The following CACNA1C variants were observed in gnomAD, a reference collection of about 807,000 sequenced individuals.
The protein encoded by CACNA1C is calcium voltage-gated channel subunit alpha1 C.
A neutral mutation model predicts 229.0 loss-of-function variants in CACNA1C; 30 were observed. The ratio of observed to expected loss-of-function variants is 0.13; its 90% CI spans 0.10 to 0.18. CACNA1C has a LOEUF of 0.18. Among genes scored for constraint, CACNA1C ranks in the 10% least tolerant of loss-of-function variants. The probability of loss-of-function intolerance (pLI) is 1.00; values close to 1 mark genes in which losing one functional copy is unlikely to be tolerated. For missense variants in CACNA1C, 1,658 were observed against 2,845.0 expected, an observed-to-expected ratio of 0.58 and a Z score of 9.49; for synonymous variants, 1,114 against 1,132.5, an observed-to-expected ratio of 0.98 and a Z score of 0.33.
At position 2,608,392 on chromosome 12, in the gene CACNA1C, C is replaced by T; in HGVS notation, c.3357-119C>T. On this transcript the variant is annotated intron_variant, in intron 26 of 46. Coordinates refer to ENST00000399655, the MANE Select transcript of CACNA1C (RefSeq NM_000719.7). This position sits in a 1 kb window ranked among gnomAD's most constrained non-coding sequence, Gnocchi z 4.2. ...CCAGTAAGAGGCCGAGCTGGGACTC[C>T]AGCCCAGAGCTGTCTCCTGCACCCT... is the stretch of plus-strand genomic sequence containing the variant. 1 of 701,746 alleles carries T rather than the reference C, an allele frequency of 1.4e-6. No individual in the cohort carries two copies. The highest frequency in any genetic ancestry group is 2.3e-6 in the Non-Finnish European group (1 of 434,054). The allele number at this position is 701,746 out of a possible 1,614,324, so 43.5% of individuals were successfully genotyped here. A position where few individuals can be genotyped will look rare whatever the true frequency, so the allele number is the denominator to read the frequency against.
chr12:2,524,079 C>T (rs887954700), intron 9 of CACNA1C, among the ~76,000 whole-genome samples: 5 of 152,172 alleles, frequency 3.3e-5, no homozygotes, highest in Non-Finnish European at 5.9e-5. Flanking sequence ...GTATTTCCAT[C>T]GTCGGGTGCA....
chr12:2,149,894 C>G (rs893000272), intron 3 of CACNA1C, among the ~76,000 whole-genome samples: 6 of 152,102 alleles, frequency 3.9e-5, no homozygotes, highest in African/African-American at 1.4e-4. Context: ...GGATAGCAGG[C>G]AGAGTTTAAA....
chr12:2,241,083 G>T (rs1360858032), intron 3 of CACNA1C, among the ~76,000 whole-genome samples: 1 of 152,086 alleles, frequency 6.6e-6, no homozygotes, highest in Admixed American at 6.5e-5. Context: ...GGTGAGGGGG[G>T]TGGGAAGAGG....
intron 3 of CACNA1C, among the ~76,000 whole-genome samples, chr12:2,265,960 C>T (rs1312427847): frequency 6.6e-6 from 1 of 152,254 alleles, no homozygotes; most frequent in Non-Finnish European, 1.5e-5. Flanking sequence ...ACGCTCCTAT[C>T]CATGCAGTAA....
At chr12:2,239,944 G>A (rs1446147006) in intron 3 of CACNA1C, among the ~76,000 whole-genome samples, 1 of 152,228 alleles carries the variant, frequency 6.6e-6, no homozygotes, top group Non-Finnish European at 1.5e-5. Context: ...GGAAAAAATG[G>A]AAAATGGAAA....
At position 2,612,007 on chromosome 12, in the gene CACNA1C, A is replaced by G. The variant is rs1057524175; in HGVS notation, c.3822A>G (p.Lys1274=). Residue 1274 remains lysine (K), a synonymous_variant, in exon 29 of 47, where the codon AAA becomes AAG. Coordinates refer to ENST00000399655, the MANE Select transcript of CACNA1C (RefSeq NM_000719.7). ...VEMILKLIAF[K]PKHYFCDAWN... The stretch of plus-strand genomic sequence containing the variant: ...TGATCCTGAAGCTCATTGCCTTCAA[A>G]CCCAAGGTAGGCCTCTGAGAAAGAC... 6.3e-7 allele frequency: 1 copy of G among 1,587,128 alleles called. No individual in the cohort carries two copies. Among genetic ancestry groups the G allele is most frequent in the East Asian group, 2.2e-5 (1 of 44,736 alleles).
Position 2,504,943 on chromosome 12 carries a change from C to T in CACNA1C, c.1215C>T (p.Ser405=), listed in dbSNP as rs780409021. ...TTAACTTGGTTCTCGGTGTGCTTAG[C>T]GGGTAAGCAGGACCAAGGAAAAAGG... ...FVLNLVLGVL[S]GEFSKEREKA... Residue 405 remains serine (S), a splice_region_variant and synonymous_variant, in exon 8 of 47, where the codon AGC becomes AGT. Transcript: ENST00000399655. This position sits in a 1 kb window ranked among gnomAD's most constrained non-coding sequence, Gnocchi z 6.8. 15 of 1,507,950 alleles carry T rather than the reference C, an allele frequency of 9.9e-6. No homozygotes were observed. The Admixed American group carries it at 1.2e-4, about 12-fold the overall frequency. The allele number at this position is 1,507,950 out of a possible 1,614,324, so 93.4% of individuals were successfully genotyped here.
intron 3 of CACNA1C, among the ~76,000 whole-genome samples, chr12:2,135,675 C>T (rs952636919): frequency 2.8e-5 from 4 of 144,182 alleles, no homozygotes; most frequent in Non-Finnish European, 4.5e-5. Flanking sequence ...CTCAGATCTC[C>T]AGCCGCGTGC....
chr12:2,272,647 A>C (rs2085607819), intron 3 of CACNA1C, among the ~76,000 whole-genome samples: 2 of 152,294 alleles, frequency 1.3e-5, no homozygotes, highest in South Asian at 2.1e-4. Context: ...CAGTCACTCC[A>C]AGGCAGTTGA....
chr12:2,253,366 G>A (rs1237602133), intron 3 of CACNA1C, among the ~76,000 whole-genome samples: 1 of 152,158 alleles, frequency 6.6e-6, no homozygotes, highest in African/African-American at 2.4e-5. Flanking sequence ...TTCTTAATTG[G>A]TTCTGAGTTT....
chr12:2,072,830 A>G (rs1056072630), intron 1 of CACNA1C, among the ~76,000 whole-genome samples: 15 of 152,190 alleles, frequency 9.9e-5, no homozygotes, highest in African/African-American at 1.4e-4. Context: ...TCAGTCAACA[A>G]TCAATCAATC....
rs1363553883 is a variant in CACNA1C, at chr12:2,181,746, A to G, written c.477+61316A>G. ...TACAGCTCATTACTGAATCCTCACA[A>G]TAACCCCATGGGGTAGATATTACTG... On this transcript the variant is annotated intron_variant, in intron 3 of 46. Coordinates refer to ENST00000399655, the MANE Select transcript of CACNA1C (RefSeq NM_000719.7). The surrounding 1 kb of genome is among the most constrained non-coding windows in gnomAD (Gnocchi z 4.0). 2.0e-5 allele frequency among the ~76,000 whole-genome samples: 3 copies of G among 152,144 alleles called. No homozygotes were observed. The highest frequency in any genetic ancestry group is 4.8e-5 in the African/African-American group (2 of 41,422).
At chr12:2,401,994 T>C (rs1014152745) in intron 3 of CACNA1C, among the ~76,000 whole-genome samples, 3 of 152,282 alleles carry the variant, frequency 2.0e-5, no homozygotes, top group Non-Finnish European at 2.9e-5. Flanking sequence ...TTTAAAACTT[T>C]CGTTAAACAT....
chr12:2,587,779 G>T (rs188736602), intron 18 of CACNA1C, among the ~76,000 whole-genome samples: 1 of 151,970 alleles, frequency 6.6e-6, no homozygotes, highest in Non-Finnish European at 1.5e-5. Context: ...TGTACGGCCC[G>T]CTCCCCGTCA....
intron 3 of CACNA1C, among the ~76,000 whole-genome samples, chr12:2,205,354 AG>A (rs2034412043): frequency 6.6e-6 from 1 of 152,000 alleles, no homozygotes; most frequent in Admixed American, 6.6e-5. Context: ...TACAGGGAGG[AG>A]GGGGACTGCC....
At chr12:2,418,258 T>A (rs1183193028) in intron 3 of CACNA1C, among the ~76,000 whole-genome samples, 2 of 152,152 alleles carry the variant, frequency 1.3e-5, no homozygotes, top group African/African-American at 4.8e-5. Flanking sequence ...ACCTCCCACC[T>A]CTTTTGCCTT....
intron 1 of CACNA1C, among the ~76,000 whole-genome samples, chr12:1,980,690 T>TTTTTTTTTTTTTTTTTTTTTGAGACGG (rs2035858215): frequency 6.8e-6 from 1 of 147,530 alleles, no homozygotes; most frequent in Non-Finnish European, 1.5e-5. Flanking sequence ...TAACTATTTT[T>TTTTTTTTTTTTTTTTTTTTTGAGACGG]AATAAAGAGT....
At chr12:2,145,546 C>G (rs1320770406) in intron 3 of CACNA1C, among the ~76,000 whole-genome samples, 3 of 151,006 alleles carry the variant, frequency 2.0e-5, no homozygotes, top group Non-Finnish European at 4.4e-5. Context: ...CATGTGTTTG[C>G]TTGCTCATTT....
intron 26 of CACNA1C, chr12:2,607,481 A>C (rs1180456561): frequency 1.0e-5 from 2 of 194,384 alleles, no homozygotes; most frequent in African/African-American, 2.3e-5. Context: ...CCCTGTGGTC[A>C]CCATAGGATT....
Sources: gnomAD v4.1 joint callset for allele counts (sites outside exome capture counted in the v4.1 genomes callset) on GRCh38, gnomAD v4.1.1 for gene constraint, Gnocchi (gnomAD v3.1) non-coding constraint, MANE v1.5 for transcripts, NCBI Gene and HGNC (gene_info 2026-07-23, HGNC 2026-07-21) for gene names.